SIGLECL1: variants seen among roughly 807,000 people sequenced by gnomAD.
The protein encoded by SIGLECL1 is SIGLEC family like 1.
A neutral mutation model predicts 19.1 loss-of-function variants in SIGLECL1; 16 were observed. The ratio of observed to expected loss-of-function variants is 0.84; its 90% CI spans 0.57 to 1.27. The LOEUF (loss-of-function observed/expected upper bound fraction) is 1.27, where lower values mean the gene tolerates loss of function less well. SIGLECL1 is among the 50% of genes most tolerant of loss of function. The pLI is 0.00. For missense variants in SIGLECL1, 210 were observed against 239.4 expected (o/e 0.88, Z 0.81); for synonymous variants, 89 against 90.4 (o/e 0.98, Z 0.09).
At chr19:51,268,058 C>A (rs572999649) in intron 5 of SIGLECL1, among the ~76,000 whole-genome samples, 1 of 152,314 alleles carries the variant, frequency 6.6e-6, no homozygotes, top group South Asian at 2.1e-4. Flanking sequence ...TCAGAATTAT[C>A]CTGCTGCCCT....
At chr19:51,248,029 G>A (rs942043402), upstream of SIGLECL1, among the ~76,000 whole-genome samples, 1 of 152,206 alleles carries the variant, frequency 6.6e-6, no homozygotes, top group African/African-American at 2.4e-5. Flanking sequence ...GGGCATGGGA[G>A]TCCTTGGTAA....
chr19:51,263,973 T>TA lies in SIGLECL1; in HGVS notation c.-99dup. 1 of 1,442,754 alleles carries TA rather than the reference T, an allele frequency of 6.9e-7. No individual in the cohort carries two copies. The highest frequency in any genetic ancestry group is 1.2e-5 in the South Asian group (1 of 81,010). The allele number at this position is 1,442,754 out of a possible 1,614,324, so 89.4% of individuals were successfully genotyped here. On this transcript the variant is annotated 5_prime_UTR_variant, in exon 2 of 6. Coordinates refer to ENST00000601727, the MANE Select transcript of SIGLECL1 (RefSeq NM_001385465.1). ...CCCCATCCCCACATCCTCTTTCAGT[T>TA]ACGCATCACCTCACTCCTTCTGAAC...
Position 51,268,853 on chromosome 19 carries a change from G to A in SIGLECL1, c.*256G>A. 1 of 435,238 alleles carries A rather than the reference G, an allele frequency of 2.3e-6. No homozygotes were observed. Among genetic ancestry groups the A allele is most frequent in the Middle Eastern group, 6.1e-4 (1 of 1,648 alleles). 27.0% of individuals were successfully genotyped at this position (435,238 alleles called of 1,614,324 possible). ...TGTAATTTGTTGTTTGGCTAAATGA[G>A]AAGAAATCTGTGCCACCCTGGGAAG... On this transcript the variant is annotated 3_prime_UTR_variant, in exon 6 of 6. Transcript: ENST00000601727.
chr19:51,268,488 G>A, intron 5 of SIGLECL1, 83 bp from the exon 6 acceptor site: 1 of 1,444,754 alleles, frequency 6.9e-7, no homozygotes, highest in Non-Finnish European at 9.7e-7. Context: ...ACAAGGGGGT[G>A]TCTTTTTAAG....
intron 1 of SIGLECL1, among the ~76,000 whole-genome samples, chr19:51,261,954 G>A (rs2123428099): frequency 6.6e-6 from 1 of 152,212 alleles, no homozygotes; most frequent in Non-Finnish European, 1.5e-5. Context: ...CCACCACTGA[G>A]GTCAAGAAAT....
upstream of SIGLECL1, among the ~76,000 whole-genome samples, chr19:51,247,302 A>C (rs2123358152): frequency 6.6e-6 from 1 of 152,376 alleles, no homozygotes; most frequent in South Asian, 2.1e-4. Flanking sequence ...GGTGCAAAAA[A>C]GCACCAAATT....
intron 5 of SIGLECL1, among the ~76,000 whole-genome samples, 154 bp downstream of exon 5, chr19:51,267,683 G>A (rs1440487777): frequency 6.6e-6 from 1 of 152,132 alleles, no homozygotes; most frequent in African/African-American, 2.4e-5. Context: ...TTATAAATAG[G>A]AAGCTAAGGC....
chr19:51,263,297 A>G (rs554256519), intron 1 of SIGLECL1, among the ~76,000 whole-genome samples: 2 of 152,340 alleles, frequency 1.3e-5, no homozygotes, highest in Admixed American at 1.3e-4. Flanking sequence ...TACTTACACC[A>G]TTCATTTCAA....
At chr19:51,257,872 C>T (rs144025213) in intron 1 of SIGLECL1, 1 of 152,118 alleles carries the variant, frequency 6.6e-6, no homozygotes, top group Non-Finnish European at 1.5e-5. Context: ...CGATGGAGGC[C>T]CAATAAAAAC....
intron 1 of SIGLECL1, among the ~76,000 whole-genome samples, chr19:51,258,323 A>C (rs1408888497): frequency 6.6e-6 from 1 of 152,200 alleles, no homozygotes; most frequent in African/African-American, 2.4e-5. Context: ...TCACTGAAAC[A>C]TATGGTTTGA....
chr19:51,252,418 G>A (rs941308937), intron 1 of SIGLECL1, among the ~76,000 whole-genome samples: 1 of 151,930 alleles, frequency 6.6e-6, no homozygotes, highest in African/African-American at 2.4e-5. Context: ...TACTTAAATG[G>A]ATCATTACAT....
chr19:51,265,288 AAAGAG>A, intron 2 of SIGLECL1, 75 bp from the exon 3 acceptor site: 1 of 1,470,870 alleles, frequency 6.8e-7, no homozygotes, highest in Admixed American at 2.1e-5. Context: ...AATAGCAAGT[AAAGAG>A]AAGGCTGCAT....
Position 51,264,035 on chromosome 19 carries a change from GCTT to G in SIGLECL1, c.-35_-33del. On this transcript the variant is annotated 5_prime_UTR_variant, in exon 2 of 6. Transcript: ENST00000601727. ...GATGTCAGAGCCAGTGTAGTAAAGAGCTTCTGCTGTTCCTGAGAACTGTTGCTG... is the reference window on the plus strand; with the variant it reads ...GATGTCAGAGCCAGTGTAGTAAAGAGCTGCTGTTCCTGAGAACTGTTGCTG... 6.2e-7 allele frequency: 1 copy of G among 1,613,466 alleles called. No individual in the cohort carries two copies.
At chr19:51,260,711 C>T (rs1983149554) in intron 1 of SIGLECL1, among the ~76,000 whole-genome samples, 1 of 152,122 alleles carries the variant, frequency 6.6e-6, no homozygotes, top group Admixed American at 6.5e-5. Context: ...CACATTCTCA[C>T]CAAGACTTGA....
rs184906301 is a variant in SIGLECL1 at position 51,265,049 on chromosome 19, T to A, written c.23-319T>A. Among the ~76,000 whole-genome samples the A allele has an allele frequency of 1.5e-4, 23 of 152,252 alleles. No individual in the cohort carries two copies. In the East Asian group the frequency reaches 4.4e-3, roughly 29 times the overall value. On this transcript the variant is annotated intron_variant, in intron 2 of 5. Coordinates refer to ENST00000601727, the MANE Select transcript of SIGLECL1 (RefSeq NM_001385465.1). ...TGGTCATAGAGCCTAAGAGGAACATTGCAGGTGGGAAGAAGAGAAGCAGAG... is the reference window on the plus strand; with the variant it reads ...TGGTCATAGAGCCTAAGAGGAACATAGCAGGTGGGAAGAAGAGAAGCAGAG...
At chr19:51,260,296 C>A (rs1410726986) in intron 1 of SIGLECL1, among the ~76,000 whole-genome samples, 6 of 152,166 alleles carry the variant, frequency 3.9e-5, no homozygotes, top group African/African-American at 1.4e-4. Context: ...TGTGTGCGTT[C>A]TTAAACACTT....
chr19:51,267,658 T>C, intron 5 of SIGLECL1, 129 bp downstream of exon 5: 1 of 1,028,596 alleles, frequency 9.7e-7, no homozygotes, highest in Non-Finnish European at 1.4e-6. Context: ...TGCTAGAGTG[T>C]GCTTTCAGGT....
chr19:51,251,855 C>G lies in SIGLECL1; in HGVS notation c.-191+310C>G, dbSNP rs193092279. Among the ~76,000 whole-genome samples the G allele has an allele frequency of 3.1e-3, 466 of 152,282 alleles. 3 individuals are homozygous for G. Among genetic ancestry groups the G allele is most frequent in the African/African-American group, 0.011 (438 of 41,554 alleles). On this transcript the variant is annotated intron_variant, in intron 1 of 5. Coordinates refer to ENST00000601727, the MANE Select transcript of SIGLECL1 (RefSeq NM_001385465.1). ...GTAAGTCAGCCCTTCCCTTAGAAAG[C>G]CGAACACCTTTGCATCACTCACACC...
intron 1 of SIGLECL1, among the ~76,000 whole-genome samples, chr19:51,257,445 C>G (rs1468286360): frequency 1.3e-5 from 2 of 151,668 alleles, no homozygotes; most frequent in Non-Finnish European, 2.9e-5. Flanking sequence ...AAAGAAAACA[C>G]TACCCCTGGT....
Sources: gnomAD v4.1 joint callset for allele counts (sites outside exome capture counted in the v4.1 genomes callset) on GRCh38, gnomAD v4.1.1 for gene constraint, MANE v1.5 for transcripts, NCBI Gene and HGNC (gene_info 2026-07-23, HGNC 2026-07-21) for gene names.